NR2F2: variants seen among roughly 807,000 people sequenced by gnomAD.
NR2F2 encodes nuclear receptor subfamily 2 group F member 2.
Under a neutral mutation model 34.8 loss-of-function variants are expected in NR2F2, and 2 were observed. That is an observed-to-expected ratio of 0.06 (90% CI 0.02 to 0.18). The LOEUF is 0.18. Among genes scored for constraint, NR2F2 ranks in the 10% least tolerant of loss-of-function variants. The pLI is 1.00. For synonymous variants in NR2F2, 274 were observed against 251.8 expected (o/e 1.09, Z -0.84); for missense variants, 300 against 580.1 (o/e 0.52, Z 4.96).
chr15:96,337,406 T>C lies in NR2F2; in HGVS notation c.1029T>C (p.Cys343=). The change falls in exon 3 of 3, where the codon TGT becomes TGC. Residue 343 remains cysteine, a synonymous_variant. Transcript: ENST00000394166. ...AAAGCTTGCAGGAAAAGTCTCAGTG[T>C]GCTTTGGAAGAATACGTTAGGAGCC... The part of the protein sequence containing the change: ...HVESLQEKSQ[C]ALEEYVRSQY... The C allele has an allele frequency of 6.2e-7, 1 of 1,614,140 alleles. No individual in the cohort carries two copies. The highest frequency in any genetic ancestry group is 1.6e-4 in the Middle Eastern group (1 of 6,062).
In NR2F2 at chr15:96,334,506, C is replaced by T. The variant is rs1438462034; in HGVS notation, c.873C>T (p.His291=). The change falls in exon 2 of 3, where the codon CAC becomes CAT. Residue 291 remains histidine, a synonymous_variant. Coordinates refer to ENST00000394166, the MANE Select transcript of NR2F2 (RefSeq NM_021005.4). ...ACCGGGTGGTCGCCTTTATGGACCACATACGGATCTTCCAAGAGCAAGTGG... is the reference window on the plus strand; with the variant it reads ...ACCGGGTGGTCGCCTTTATGGACCATATACGGATCTTCCAAGAGCAAGTGG... The part of the protein sequence containing the change: ...SADRVVAFMD[H]IRIFQEQVEK... 7 of 1,613,678 alleles carry T rather than the reference C, an allele frequency of 4.3e-6. No individual in the cohort carries two copies. The highest frequency in any genetic ancestry group is 1.6e-4 in the Middle Eastern group (1 of 6,084).
chr15:96,336,030 C>T (rs1255700941), intron 2 of NR2F2, among the ~76,000 whole-genome samples: 1 of 152,190 alleles, frequency 6.6e-6, no homozygotes, highest in Non-Finnish European at 1.5e-5. Flanking sequence ...TATCTCCCTA[C>T]CTCATAGCCA....
chr15:96,333,226 C>T lies in NR2F2; in HGVS notation c.442+679C>T, dbSNP rs574809934. 92 of 524,136 alleles carry T rather than the reference C, an allele frequency of 1.8e-4. 1 individual carries two copies. The East Asian group carries it at 0.01, about 58-fold the overall frequency. The allele number at this position is 524,136 out of a possible 1,614,324, so 32.5% of individuals were successfully genotyped here. A position where few individuals can be genotyped will look rare whatever the true frequency, so the allele number is the denominator to read the frequency against. ...TTGGGTCTTTGTGATATAAAATTCG[C>T]CGAGCGCCGCGAGCCGTGCTTTGCC... On this transcript the variant is annotated intron_variant, in intron 1 of 2. Transcript: ENST00000394166.
Position 96,331,857 on chromosome 15 carries a change from C to T in NR2F2, c.-249C>T. The T allele has an allele frequency of 8.3e-7, 1 of 1,203,658 alleles. No homozygotes were observed. Among genetic ancestry groups the T allele is most frequent in the Non-Finnish European group, 1.0e-6 (1 of 970,444 alleles). The allele number at this position is 1,203,658 out of a possible 1,614,324, so 74.6% of individuals were successfully genotyped here. A position where few individuals can be genotyped will look rare whatever the true frequency, so the allele number is the denominator to read the frequency against. Reference sequence around the variant, plus strand: ...ACCAACAAAGCTGAGCCGAGAGAAACAAACAAAACAAACACACCGGGCCAG... The same window carrying T: ...ACCAACAAAGCTGAGCCGAGAGAAATAAACAAAACAAACACACCGGGCCAG... On this transcript the variant is annotated 5_prime_UTR_variant, in exon 1 of 3. Transcript: ENST00000394166.
In NR2F2 at chr15:96,337,530, C is replaced by T; in HGVS notation, c.1153C>T (p.Arg385Cys). Residue 385 changes from arginine (R) to cysteine (C), a missense_variant, in exon 3 of 3, where the codon CGT becomes TGT. Transcript: ENST00000394166. ...SSVIEQLFFV[R>C]LVGKTPIETL... ...AGTCATAGAGCAATTGTTTTTCGTCCGTTTGGTAGGTAAAACCCCCATCGA... is the reference window on the plus strand; with the variant it reads ...AGTCATAGAGCAATTGTTTTTCGTCTGTTTGGTAGGTAAAACCCCCATCGA... 1 of 1,614,056 alleles carries T rather than the reference C, an allele frequency of 6.2e-7. No individual in the cohort carries two copies. Among genetic ancestry groups the T allele is most frequent in the Non-Finnish European group, 8.5e-7 (1 of 1,180,024 alleles).
chr15:96,331,032 T>A lies in NR2F2; in HGVS notation c.-1074T>A. The A allele has an allele frequency of 4.9e-6, 6 of 1,231,988 alleles. No homozygotes were observed. The highest frequency in any genetic ancestry group is 6.1e-6 in the Non-Finnish European group (6 of 989,880). 76.3% of individuals were successfully genotyped at this position (1,231,988 alleles called of 1,614,324 possible). ...GCCGCCGGCGAGTTGACTCTTTCCC[T>A]ATGTGTGTGAGGCGGCGGCGGCAGC... is the stretch of plus-strand genomic sequence containing the variant. On this transcript the variant is annotated 5_prime_UTR_variant, in exon 1 of 3. Coordinates refer to ENST00000394166, the MANE Select transcript of NR2F2 (RefSeq NM_021005.4).
Position 96,331,119 on chromosome 15 carries a change from G to A in NR2F2, c.-987G>A. ...AGCAGCGACTTCAGCGGCGGCGGCG[G>A]CGCTAGACGCAGCGGCTCCGGGCCC... On this transcript the variant is annotated 5_prime_UTR_variant, in exon 1 of 3. Transcript: ENST00000394166. 8.5e-7 allele frequency: 1 copy of A among 1,175,568 alleles called. No homozygotes were observed. Among genetic ancestry groups the A allele is most frequent in the Non-Finnish European group, 1.1e-6 (1 of 948,452 alleles). 72.8% of individuals were successfully genotyped at this position (1,175,568 alleles called of 1,614,324 possible).
Position 96,331,836 on chromosome 15 carries a change from AC to A in NR2F2, c.-269del. ...CCCGGCGGAAAGCCCCCCGAAACCAACAAAGCTGAGCCGAGAGAAACAAACA... is the reference window on the plus strand; with the variant it reads ...CCCGGCGGAAAGCCCCCCGAAACCAAAAAGCTGAGCCGAGAGAAACAAACA... On this transcript the variant is annotated 5_prime_UTR_variant, in exon 1 of 3. Coordinates refer to ENST00000394166, the MANE Select transcript of NR2F2 (RefSeq NM_021005.4). 8.3e-7 allele frequency: 1 copy of A among 1,202,428 alleles called. No homozygotes were observed. The highest frequency in any genetic ancestry group is 1.0e-6 in the Non-Finnish European group (1 of 969,530). The allele number at this position is 1,202,428 out of a possible 1,614,324, so 74.5% of individuals were successfully genotyped here. A position where few individuals can be genotyped will look rare whatever the true frequency, so the allele number is the denominator to read the frequency against.
At chr15:96,333,335 C>CT (rs1416260389) in intron 1 of NR2F2, 1 of 1,001,876 alleles carries the variant, frequency 1.0e-6, no homozygotes, top group Non-Finnish European at 1.2e-6. Flanking sequence ...GAGAGCGACT[C>CT]TCCCGGTCCG....
At position 96,331,668 on chromosome 15, in the gene NR2F2, G is replaced by A; in HGVS notation, c.-438G>A. On this transcript the variant is annotated 5_prime_UTR_variant, in exon 1 of 3. Coordinates refer to ENST00000394166, the MANE Select transcript of NR2F2 (RefSeq NM_021005.4). Reference sequence around the variant, plus strand: ...AACGAGAGAGGGAGGGAGAGAGTGAGAGCGAGCGAGATCTTTGGAGAGATT... The same window carrying A: ...AACGAGAGAGGGAGGGAGAGAGTGAAAGCGAGCGAGATCTTTGGAGAGATT... 1.8e-6 allele frequency: 2 copies of A among 1,116,560 alleles called. No homozygotes were observed. The highest frequency in any genetic ancestry group is 4.6e-5 in the South Asian group (1 of 21,632). 69.2% of individuals were successfully genotyped at this position (1,116,560 alleles called of 1,614,324 possible).
At position 96,330,805 on chromosome 15, in the gene NR2F2, G is replaced by T. The variant is rs1899112321; in HGVS notation, c.-1301G>T. ...TGATTCTCTGTTCTTTTCTCTCCGC[G>T]GTGTGTGTGTGCGTGCGCGCGTGTG... On this transcript the variant is annotated 5_prime_UTR_variant, in exon 1 of 3. Coordinates refer to ENST00000394166, the MANE Select transcript of NR2F2 (RefSeq NM_021005.4). The T allele has an allele frequency of 9.6e-7, 1 of 1,038,814 alleles. No homozygotes were observed. Among genetic ancestry groups the T allele is most frequent in the Non-Finnish European group, 1.2e-6 (1 of 837,394 alleles). 64.3% of individuals were successfully genotyped at this position (1,038,814 alleles called of 1,614,324 possible). A position where few individuals can be genotyped will look rare whatever the true frequency, so the allele number is the denominator to read the frequency against.
At position 96,332,135 on chromosome 15, in the gene NR2F2, C is replaced by A; in HGVS notation, c.30C>A (p.Asp10Glu). Residue 10 changes from aspartate (D) to glutamate (E), a missense_variant, in exon 1 of 3, where the codon GAC becomes GAA. Physicochemically the swap from Asp to Glu is conservative, Grantham distance 45 (BLOSUM62 2). Transcript: ENST00000394166. MAMVVSTWRDPQDEVPGSQG... is the reference protein window; with the variant it reads MAMVVSTWREPQDEVPGSQG... ...CAATGGTAGTCAGCACGTGGCGCGA[C>A]CCCCAGGACGAGGTGCCCGGCTCAC... The A allele has an allele frequency of 7.4e-7, 1 of 1,357,000 alleles. No individual in the cohort carries two copies. Among genetic ancestry groups the A allele is most frequent in the Admixed American group, 3.6e-5 (1 of 27,910 alleles). The allele number at this position is 1,357,000 out of a possible 1,614,324, so 84.1% of individuals were successfully genotyped here.
chr15:96,332,444 C>T lies in NR2F2; in HGVS notation c.339C>T (p.Tyr113=), dbSNP rs774866322. ...FKRSVRRNLS[Y]TCRANRNCPI... ...GCAGCGTGCGGAGGAACCTGAGCTA[C>T]ACGTGCCGCGCCAACCGGAACTGTC... The change falls in exon 1 of 3, where the codon TAC becomes TAT. Residue 113 remains tyrosine, a synonymous_variant. Transcript: ENST00000394166. 1 of 1,614,248 alleles carries T rather than the reference C, an allele frequency of 6.2e-7. No homozygotes were observed. The highest frequency in any genetic ancestry group is 8.5e-7 in the Non-Finnish European group (1 of 1,180,046).
Position 96,334,147 on chromosome 15 carries a change from C to T in NR2F2, c.514C>T (p.Leu172Phe). ...GTTCGCGCTGACCAACGGGGATCCC[C>T]TCAACTGCCACTCGTACCTGTCCGG... ...GQFALTNGDPLNCHSYLSGYI... is the reference protein window; with the variant it reads ...GQFALTNGDPFNCHSYLSGYI... Residue 172 changes from leucine to phenylalanine, a missense_variant, in exon 2 of 3, where the codon CTC (leucine) becomes TTC (phenylalanine). By Grantham distance (22) the Leu-to-Phe change is conservative. Transcript: ENST00000394166. 1 of 1,613,994 alleles carries T rather than the reference C, an allele frequency of 6.2e-7. No homozygotes were observed. Among genetic ancestry groups the T allele is most frequent in the Non-Finnish European group, 8.5e-7 (1 of 1,180,038 alleles).
chr15:96,332,222 G>A lies in NR2F2; in HGVS notation c.117G>A (p.Thr39=), dbSNP rs1381434299. The change falls in exon 1 of 3, where the codon ACG becomes ACA. Residue 39 remains threonine (T), a synonymous_variant. Coordinates refer to ENST00000394166, the MANE Select transcript of NR2F2 (RefSeq NM_021005.4). ...GCCCGCCGCCCGGCGCCCCGCACAC[G>A]CCACAGACGCCCGGCCAAGGGGGCC... ...VPGPPPGAPH[T]PQTPGQGGPA... The A allele has an allele frequency of 2.0e-6, 3 of 1,520,336 alleles. No homozygotes were observed. In the East Asian group the frequency reaches 7.5e-5, roughly 38 times the overall value. The allele number at this position is 1,520,336 out of a possible 1,614,324, so 94.2% of individuals were successfully genotyped here.
intron 2 of NR2F2, among the ~76,000 whole-genome samples, chr15:96,336,016 A>C (rs1361847952): frequency 1.3e-5 from 2 of 152,090 alleles, no homozygotes; most frequent in African/African-American, 4.8e-5. Flanking sequence ...ATATACAGAC[A>C]AGATATCTCC....
chr15:96,333,335 C>A, intron 1 of NR2F2: 7 of 1,001,992 alleles, frequency 7.0e-6, no homozygotes, highest in Non-Finnish European at 7.2e-6. Flanking sequence ...GAGAGCGACT[C>A]TCCCGGTCCG....
rs1024014714 is a variant in NR2F2 at position 96,339,334 on chromosome 15, T to C, written c.*1712T>C. On this transcript the variant is annotated 3_prime_UTR_variant, in exon 3 of 3. Transcript: ENST00000394166. ...TAAGTAGGTACGATTTTTTAAAATA[T>C]TCTGTGATTCTACTCTAGCGTGGTT... 1 of 152,196 alleles carries C rather than the reference T, an allele frequency of 6.6e-6. No individual in the cohort carries two copies. Among genetic ancestry groups the C allele is most frequent in the Non-Finnish European group, 1.5e-5 (1 of 68,028 alleles). The allele number at this position is 152,196 out of a possible 1,614,324, so 9.4% of individuals were successfully genotyped here. A position where few individuals can be genotyped will look rare whatever the true frequency, so the allele number is the denominator to read the frequency against.
Position 96,337,648 on chromosome 15 carries a change from A to C in NR2F2, c.*26A>C, listed in dbSNP as rs930317175. On this transcript the variant is annotated 3_prime_UTR_variant, in exon 3 of 3. Transcript: ENST00000394166. Reference sequence around the variant, plus strand: ...ATAAATAAAATAAGAAGGGGGAGTGAAACAGAGAAAGAAAAGGCAAAAGAC... The same window carrying C: ...ATAAATAAAATAAGAAGGGGGAGTGCAACAGAGAAAGAAAAGGCAAAAGAC... The C allele has an allele frequency of 1.3e-6, 2 of 1,599,036 alleles. No homozygotes were observed. The highest frequency in any genetic ancestry group is 1.7e-6 in the Non-Finnish European group (2 of 1,171,534).
Sources: gnomAD v4.1 joint callset for allele counts (sites outside exome capture counted in the v4.1 genomes callset) on GRCh38, gnomAD v4.1.1 for gene constraint, MANE v1.5 for transcripts, NCBI Gene and HGNC (gene_info 2026-07-23, HGNC 2026-07-21) for gene names.